GSG1L: variants seen among roughly 807,000 people sequenced by gnomAD.
The protein encoded by GSG1L is GSG1 like.
GSG1L carries 24 observed loss-of-function variants against 42.1 expected under a neutral mutation model. That is an observed-to-expected ratio of 0.57 (90% CI 0.41 to 0.80). The LOEUF (loss-of-function observed/expected upper bound fraction) is 0.80. Ranked by LOEUF, GSG1L falls within the 30% of genes least tolerant of loss-of-function variation. The pLI is 0.00. For synonymous variants in GSG1L, 215 were observed against 203.5 expected, an observed-to-expected ratio of 1.06 and a Z score of -0.48; for missense variants, 445 against 472.2, an observed-to-expected ratio of 0.94 and a Z score of 0.53.
At chr16:27,889,829 T>C (rs1389807394) in intron 2 of GSG1L, among the ~76,000 whole-genome samples, 1 of 152,200 alleles carries the variant, frequency 6.6e-6, no homozygotes, top group African/African-American at 2.4e-5. Context: ...ATCCTCATCC[T>C]ATGCTGCGCC....
chr16:27,886,550 G>C (rs1320739071), intron 2 of GSG1L, among the ~76,000 whole-genome samples: 1 of 152,220 alleles, frequency 6.6e-6, no homozygotes, highest in Non-Finnish European at 1.5e-5. Context: ...CACATAGTAA[G>C]AGCTCAAGTC....
chr16:27,913,587 T>C (rs192043751), intron 2 of GSG1L, among the ~76,000 whole-genome samples: 42 of 152,342 alleles, frequency 2.8e-4, no homozygotes, highest in African/African-American at 9.6e-4. Context: ...CCTCCTGTTT[T>C]TGTAAATAAG....
intron 2 of GSG1L, among the ~76,000 whole-genome samples, chr16:27,888,472 C>CCTT (rs2084066582): frequency 3.2e-5 from 2 of 61,770 alleles, no homozygotes; most frequent in Non-Finnish European, 7.2e-5. Flanking sequence ...TTCTCTCTCT[C>CCTT]TCTCTCTTTC....
intron 2 of GSG1L, among the ~76,000 whole-genome samples, chr16:27,909,638 T>C (rs1215981280): frequency 2.1e-4 from 29 of 141,152 alleles, no homozygotes; most frequent in South Asian, 9.3e-4. Context: ...CACCCAGCTT[T>C]TTTTTTTTTT....
chr16:27,838,198 G>A (rs564869039), intron 4 of GSG1L, among the ~76,000 whole-genome samples: 87 of 152,276 alleles, frequency 5.7e-4, no homozygotes, highest in African/African-American at 1.4e-3. Context: ...AATGGTGCCT[G>A]GCACATAATA....
At chr16:27,798,705 A>C (rs1388177580) in intron 6 of GSG1L, among the ~76,000 whole-genome samples, 1 of 152,118 alleles carries the variant, frequency 6.6e-6, no homozygotes, top group African/African-American at 2.4e-5. Flanking sequence ...CCTGTCCCAC[A>C]CTGAGGAATT....
intron 1 of GSG1L, among the ~76,000 whole-genome samples, chr16:27,973,670 C>T (rs116791956): frequency 0.011 from 1,683 of 152,210 alleles, 25 homozygotes; most frequent in African/African-American, 0.039. Context: ...CTGGGTGCAG[C>T]CTGGCTCCAT....
At chr16:27,812,332 T>C (rs895701853) in intron 5 of GSG1L, among the ~76,000 whole-genome samples, 1 of 152,014 alleles carries the variant, frequency 6.6e-6, no homozygotes, top group African/African-American at 2.4e-5. Flanking sequence ...ATGAAGAGGG[T>C]TGGCAGGGCC....
intron 3 of GSG1L, among the ~76,000 whole-genome samples, chr16:27,854,480 A>C (rs1210762783): frequency 6.6e-6 from 1 of 152,148 alleles, no homozygotes; most frequent in African/African-American, 2.4e-5. Context: ...TTTCCATTAC[A>C]TCCCCTGGGA....
rs1377206007 is a variant in GSG1L at position 28,001,309 on chromosome 16, C to T, written c.350-38106G>A. Among the ~76,000 whole-genome samples the T allele has an allele frequency of 3.9e-5, 6 of 152,194 alleles. No individual in the cohort carries two copies. In the East Asian group the frequency reaches 1.2e-3, roughly 29 times the overall value. On this transcript the variant is annotated intron_variant, in intron 1 of 6. Transcript: ENST00000447459. ...GCCAACGCCAGCCTGGGTCTTTCAACCCCAGGGCTGCTCCCACCAGCCTGT... is the reference window on the plus strand; with the variant it reads ...GCCAACGCCAGCCTGGGTCTTTCAATCCCAGGGCTGCTCCCACCAGCCTGT...
rs941194254 is a variant in GSG1L at position 27,870,846 on chromosome 16, G to A, written c.550+13640C>T. ...CTCTGGAGCCCATCCACAGTCCTCCGTTCCCTCTGCCACCATCTCCTTGTG... is the reference window on the plus strand; with the variant it reads ...CTCTGGAGCCCATCCACAGTCCTCCATTCCCTCTGCCACCATCTCCTTGTG... On this transcript the variant is annotated intron_variant, in intron 3 of 6. Transcript: ENST00000447459. Among the ~76,000 whole-genome samples, 32 of 151,306 alleles carry A rather than the reference G, an allele frequency of 2.1e-4. 3 individuals are homozygous for A. The highest frequency in any genetic ancestry group is 7.1e-4 in the African/African-American group (29 of 40,716).
chr16:27,908,420 C>T (rs557121708), intron 2 of GSG1L, among the ~76,000 whole-genome samples: 1 of 152,360 alleles, frequency 6.6e-6, no homozygotes, highest in East Asian at 1.9e-4. Flanking sequence ...TGTTACATTT[C>T]CCCCAAGTCT....
chr16:27,831,101 C>T (rs140082069), intron 4 of GSG1L, among the ~76,000 whole-genome samples: 29 of 152,336 alleles, frequency 1.9e-4, no homozygotes, highest in African/African-American at 7.0e-4. Context: ...GTTCATGAGA[C>T]TCAACTCCTG....
chr16:27,796,284 A>G (rs1225124490), intron 6 of GSG1L, among the ~76,000 whole-genome samples: 1 of 152,216 alleles, frequency 6.6e-6, no homozygotes, highest in East Asian at 1.9e-4. Context: ...GCCCTCCAGA[A>G]AGAAAGGAAG....
At chr16:27,891,884 C>CTTTTTTTATTTTTT (rs2084131156) in intron 2 of GSG1L, among the ~76,000 whole-genome samples, 1 of 74,332 alleles carries the variant, frequency 1.3e-5, no homozygotes, top group Non-Finnish European at 2.6e-5. Context: ...AGTGACAGAT[C>CTTTTTTTATTTTTT]TTTTTTTTTT....
chr16:27,986,710 TG>T (rs2141130570), intron 1 of GSG1L, among the ~76,000 whole-genome samples: 1 of 152,292 alleles, frequency 6.6e-6, no homozygotes, highest in East Asian at 1.9e-4. Flanking sequence ...TTCTTTCTTT[TG>T]GGGGACCCAG....
intron 1 of GSG1L, among the ~76,000 whole-genome samples, chr16:27,994,049 T>C (rs138267030): frequency 7.6e-5 from 8 of 105,264 alleles, no homozygotes; most frequent in African/African-American, 3.4e-4. Context: ...AGAGCTTTCT[T>C]CTTTTGCTTG....
intron 1 of GSG1L, among the ~76,000 whole-genome samples, chr16:28,027,719 A>G (rs1389198666): frequency 6.6e-6 from 1 of 152,110 alleles, no homozygotes; most frequent in Non-Finnish European, 1.5e-5. Flanking sequence ...TAGGGTTTCC[A>G]TCATTAGAAG....
rs541787314 is a variant in GSG1L at position 28,047,542 on chromosome 16, T to G, written c.349+15534A>C. Among the ~76,000 whole-genome samples, 10 of 152,296 alleles carry G rather than the reference T, an allele frequency of 6.6e-5. No homozygotes were observed. In the East Asian group the frequency reaches 1.9e-3, roughly 29 times the overall value. ...AAAAATAAGTAAATAAAGCTAACTCTATGTTCTTACCAGATATTCACCTAA... is the reference window on the plus strand; with the variant it reads ...AAAAATAAGTAAATAAAGCTAACTCGATGTTCTTACCAGATATTCACCTAA... On this transcript the variant is annotated intron_variant, in intron 1 of 6. Coordinates refer to ENST00000447459, the MANE Select transcript of GSG1L (RefSeq NM_001109763.2).
Sources: allele counts gnomAD v4.1 joint callset (sites outside exome capture counted in the v4.1 genomes callset), GRCh38; gene constraint gnomAD v4.1.1; transcripts MANE v1.5; gene names NCBI Gene and HGNC (gene_info 2026-07-23, HGNC 2026-07-21).